ARK2N: variants seen among roughly 807,000 people sequenced by gnomAD.
ARK2N encodes the protein protein ARK2N.
At chr18:46,215,831 T>C in the ARK2N span, 31 of 1,532,236 alleles carry the variant, frequency 2.0e-5, no homozygotes, top group African/African-American at 3.7e-4. Context: ...TGTTGCATCT[T>C]TGATATCATT....
At chr18:46,215,595 A>T in the ARK2N span, among the ~76,000 whole-genome samples, 2 of 152,288 alleles carry the variant, frequency 1.3e-5, no homozygotes, top group East Asian at 1.9e-4. Context: ...TAGAGGATTA[A>T]TATTATGGCA....
At chr18:46,186,598 G>C in the ARK2N span, among the ~76,000 whole-genome samples, 1 of 146,880 alleles carries the variant, frequency 6.8e-6, no homozygotes, top group African/African-American at 2.5e-5. Flanking sequence ...TCCACCTTCC[G>C]GGTTCACACC....
At chr18:46,184,399 G>C in the ARK2N span, among the ~76,000 whole-genome samples, 1 of 152,284 alleles carries the variant, frequency 6.6e-6, no homozygotes, top group East Asian at 1.9e-4. Context: ...TGGGATGACA[G>C]GCGTGAGCTA....
chr18:46,259,898 T>TGTGTGTGTGTGTGTGTGTGTGTGTGTGA, the ARK2N span, among the ~76,000 whole-genome samples: 1 of 95,116 alleles, frequency 1.1e-5, no homozygotes, highest in South Asian at 3.8e-4. Flanking sequence ...TGTGTGTGTG[T>TGTGTGTGTGTGTGTGTGTGTGTGTGTGA]GCGACAGAGA....
At chr18:46,175,127 C>T in the ARK2N span, among the ~76,000 whole-genome samples, 2 of 139,886 alleles carry the variant, frequency 1.4e-5, no homozygotes, top group South Asian at 2.3e-4. Context: ...CCCGCCCCGA[C>T]CCCCGTCCCC....
chr18:46,186,327 T>C, the ARK2N span, among the ~76,000 whole-genome samples: 1 of 148,610 alleles, frequency 6.7e-6, no homozygotes. Flanking sequence ...TCCCGAGTGG[T>C]TGGGACTACA....
chr18:46,201,734 A>C, the ARK2N span, among the ~76,000 whole-genome samples: 14 of 149,700 alleles, frequency 9.4e-5, no homozygotes, highest in South Asian at 2.8e-3. Context: ...GAGAGTCCCA[A>C]CTCATGGCAG....
the ARK2N span, among the ~76,000 whole-genome samples, chr18:46,219,473 C>CTT: frequency 0.014 from 1,970 of 138,848 alleles, 54 homozygotes; most frequent in African/African-American, 0.049. Flanking sequence ...CAAGTGATTT[C>CTT]TTTTTTTTTT....
At chr18:46,189,075 C>T in the ARK2N span, among the ~76,000 whole-genome samples, 3 of 152,046 alleles carry the variant, frequency 2.0e-5, no homozygotes, top group South Asian at 2.1e-4. Flanking sequence ...ATTAGCCAGG[C>T]GTGGTGGCCG....
chr18:46,218,167 T>G, the ARK2N span: 1 of 152,192 alleles, frequency 6.6e-6, no homozygotes, highest in East Asian at 1.9e-4. Context: ...GAGAAATGTC[T>G]TCATAGGCAC....
chr18:46,243,654 A>T, the ARK2N span, among the ~76,000 whole-genome samples: 26 of 152,178 alleles, frequency 1.7e-4, no homozygotes, highest in African/African-American at 6.0e-4. Context: ...AATTCTTGCC[A>T]TGTGTTTGCT....
At chr18:46,237,840 T>C in the ARK2N span, among the ~76,000 whole-genome samples, 2 of 152,244 alleles carry the variant, frequency 1.3e-5, no homozygotes, top group African/African-American at 4.8e-5. Flanking sequence ...TATATAGTAT[T>C]GACTTGTCAT....
chr18:46,264,770 C>T, the ARK2N span: 1 of 146,772 alleles, frequency 6.8e-6, no homozygotes, highest in East Asian at 2.0e-4. Flanking sequence ...AAGTTTATTC[C>T]TTTACGCTTC....
the ARK2N span, among the ~76,000 whole-genome samples, chr18:46,213,323 A>G: frequency 2.0e-5 from 3 of 151,988 alleles, no homozygotes; most frequent in East Asian, 5.8e-4. Flanking sequence ...TTATTCCAGA[A>G]TATACAATTT....
the ARK2N span, among the ~76,000 whole-genome samples, chr18:46,194,008 T>C: frequency 6.6e-6 from 1 of 152,140 alleles, no homozygotes; most frequent in Non-Finnish European, 1.5e-5. Context: ...TTCTTGTTTG[T>C]TTCTTTCTTT....
At chr18:46,258,761 C>G in the ARK2N span, among the ~76,000 whole-genome samples, 1 of 151,966 alleles carries the variant, frequency 6.6e-6, no homozygotes. Flanking sequence ...TACCTCATGT[C>G]TTTCATGATA....
the ARK2N span, among the ~76,000 whole-genome samples, chr18:46,235,282 C>T: frequency 6.6e-6 from 1 of 152,224 alleles, no homozygotes; most frequent in East Asian, 1.9e-4. Flanking sequence ...CCTTACTCAA[C>T]TATGAATCCT....
the ARK2N span, among the ~76,000 whole-genome samples, chr18:46,220,734 A>C: frequency 6.6e-6 from 1 of 152,166 alleles, no homozygotes; most frequent in Non-Finnish European, 1.5e-5. Context: ...TAACTTCCCT[A>C]ATGGTCCTTT....
chr18:46,181,486 C>T, the ARK2N span, among the ~76,000 whole-genome samples: 2 of 151,782 alleles, frequency 1.3e-5, no homozygotes, highest in South Asian at 2.1e-4. Flanking sequence ...GAGGCTGAGG[C>T]GGCGGATCAT....
Sources: gnomAD v4.1 joint callset for allele counts (sites outside exome capture counted in the v4.1 genomes callset) on GRCh38, gnomAD v4.1.1 for gene constraint, MANE v1.5 for transcripts, NCBI Gene and HGNC (gene_info 2026-07-23, HGNC 2026-07-21) for gene names.